ARHGAP42: variants seen among roughly 807,000 people sequenced by gnomAD.
The protein encoded by ARHGAP42 is rho GTPase-activating protein 42.
A neutral mutation model predicts 125.0 loss-of-function variants in ARHGAP42; 63 were observed. The observed-to-expected ratio is 0.50, with a 90% CI of 0.41 to 0.62. The LOEUF (loss-of-function observed/expected upper bound fraction) is 0.62, where lower values mean the gene tolerates loss of function less well. Among genes scored for constraint, ARHGAP42 ranks in the 20% least tolerant of loss-of-function variants. ARHGAP42 has a pLI of 0.00. For synonymous variants in ARHGAP42, 339 were observed against 351.0 expected (o/e 0.97, Z 0.38); for missense variants, 766 against 1,024.2 (o/e 0.75, Z 3.44).
intron 1 of ARHGAP42, among the ~76,000 whole-genome samples, chr11:100,716,836 G>C (rs1861669485): frequency 6.6e-6 from 1 of 152,116 alleles, no homozygotes; most frequent in Non-Finnish European, 1.5e-5. Flanking sequence ...GTTATTTGGA[G>C]AATGAATGCA....
At chr11:100,906,989 G>A (rs755780761) in intron 4 of ARHGAP42, among the ~76,000 whole-genome samples, 1 of 152,096 alleles carries the variant, frequency 6.6e-6, no homozygotes, top group African/African-American at 2.4e-5. Context: ...ATTTCTGTTA[G>A]CATCTCATTG....
At chr11:100,831,514 G>A (rs958582685) in intron 3 of ARHGAP42, among the ~76,000 whole-genome samples, 10 of 152,148 alleles carry the variant, frequency 6.6e-5, no homozygotes, top group African/African-American at 1.4e-4. Context: ...GATGAAACAC[G>A]TTTATGTTAG....
In ARHGAP42 at chr11:100,950,055, C is replaced by G. The variant is rs1591316168; in HGVS notation, c.1162+99C>G. The G allele has an allele frequency of 7.9e-6, 5 of 631,736 alleles. No individual in the cohort carries two copies. In the East Asian group the frequency reaches 1.6e-4, roughly 21 times the overall value. The allele number at this position is 631,736 out of a possible 1,614,324, so 39.1% of individuals were successfully genotyped here. On this transcript the variant is annotated intron_variant, in intron 12 of 23. Coordinates refer to ENST00000298815, the MANE Select transcript of ARHGAP42 (RefSeq NM_152432.4). ...AGTATTCTGGGGAAATAGTATAACACCATTGATCTCATGGTACAGCAACTT... is the reference window on the plus strand; with the variant it reads ...AGTATTCTGGGGAAATAGTATAACAGCATTGATCTCATGGTACAGCAACTT...
intron 22 of ARHGAP42, among the ~76,000 whole-genome samples, chr11:100,979,701 ATT>A (rs11435155): frequency 4.0e-5 from 6 of 148,752 alleles, no homozygotes; most frequent in African/African-American, 1.2e-4. Context: ...GCTTTTCATT[ATT>A]TTTTTTTTTT....
chr11:100,749,954 T>A (rs2120352861), intron 1 of ARHGAP42, among the ~76,000 whole-genome samples: 1 of 152,282 alleles, frequency 6.6e-6, no homozygotes, highest in South Asian at 2.1e-4. Context: ...TGCTGGCCAG[T>A]TTCTTTCCGC....
At chr11:100,775,875 T>C (rs1863106141) in intron 2 of ARHGAP42, among the ~76,000 whole-genome samples, 1 of 152,186 alleles carries the variant, frequency 6.6e-6, no homozygotes, top group Admixed American at 6.5e-5. Context: ...ATTTAGATAT[T>C]GTGGCCGGGT....
chr11:100,808,325 T>G (rs1202543226), intron 3 of ARHGAP42, among the ~76,000 whole-genome samples: 1 of 151,992 alleles, frequency 6.6e-6, no homozygotes, highest in Non-Finnish European at 1.5e-5. Context: ...TTGATACATG[T>G]AATTTCAAGA....
chr11:100,778,155 A>G (rs1863175047), intron 2 of ARHGAP42, among the ~76,000 whole-genome samples: 1 of 151,810 alleles, frequency 6.6e-6, no homozygotes, highest in Admixed American at 6.6e-5. Context: ...CCTGGGTAAC[A>G]TGTTGAGACC....
At chr11:100,933,753 A>G (rs1455584228) in intron 7 of ARHGAP42, among the ~76,000 whole-genome samples, 1 of 152,198 alleles carries the variant, frequency 6.6e-6, no homozygotes, top group Non-Finnish European at 1.5e-5. Context: ...AAAACTAGAA[A>G]AGAAAATACT....
intron 3 of ARHGAP42, among the ~76,000 whole-genome samples, chr11:100,818,827 C>G (rs545221419): frequency 6.6e-6 from 1 of 152,092 alleles, no homozygotes; most frequent in Admixed American, 6.6e-5. Flanking sequence ...TCTGAGAAAA[C>G]TTAGCCTTGA....
chr11:100,854,155 A>C (rs954503916), intron 3 of ARHGAP42, among the ~76,000 whole-genome samples: 2 of 152,178 alleles, frequency 1.3e-5, no homozygotes, highest in Admixed American at 6.6e-5. Context: ...ATTAAAAATA[A>C]ATGGGAGTAT....
At chr11:100,788,165 C>T (rs1863480506) in intron 2 of ARHGAP42, among the ~76,000 whole-genome samples, 1 of 152,094 alleles carries the variant, frequency 6.6e-6, no homozygotes, top group African/African-American at 2.4e-5. Flanking sequence ...CTCATATTTG[C>T]CTAAACTTAA....
At chr11:100,901,062 A>G (rs1351964196) in intron 4 of ARHGAP42, among the ~76,000 whole-genome samples, 2 of 152,180 alleles carry the variant, frequency 1.3e-5, no homozygotes, top group Admixed American at 1.3e-4. Flanking sequence ...GGTGACCTAC[A>G]GATGGGTTTT....
intron 3 of ARHGAP42, among the ~76,000 whole-genome samples, chr11:100,820,990 C>T (rs17713448): frequency 0.03 from 4,479 of 151,096 alleles, 81 homozygotes; most frequent in Non-Finnish European, 0.036. Flanking sequence ...TTTTTTAGTG[C>T]TTCCCTTTCC....
intron 22 of ARHGAP42, among the ~76,000 whole-genome samples, chr11:100,983,128 C>T (rs571270569): frequency 1.6e-4 from 24 of 152,208 alleles, no homozygotes; most frequent in Non-Finnish European, 2.6e-4. Flanking sequence ...CTCACAACAC[C>T]TTTATAAACT....
intron 1 of ARHGAP42, among the ~76,000 whole-genome samples, chr11:100,715,470 T>C (rs1861644725): frequency 6.6e-6 from 1 of 152,204 alleles, no homozygotes; most frequent in Non-Finnish European, 1.5e-5. Flanking sequence ...TTCCTGACAC[T>C]TGGGGACTGG....
intron 20 of ARHGAP42, 141 bp downstream of exon 20, chr11:100,976,578 T>C: frequency 7.8e-7 from 1 of 1,280,300 alleles, no homozygotes. Context: ...GCTTGGATTT[T>C]ACAACCTAGG....
chr11:100,975,967 A>G (rs1381576767), intron 19 of ARHGAP42, 90 bp from the exon 20 acceptor site: 3 of 1,389,484 alleles, frequency 2.2e-6, no homozygotes, highest in African/African-American at 1.5e-5. Flanking sequence ...CGCAGAACAC[A>G]TGGTAAGTTG....
intron 2 of ARHGAP42, among the ~76,000 whole-genome samples, chr11:100,772,999 G>A (rs1008741885): frequency 3.9e-5 from 6 of 152,162 alleles, no homozygotes; most frequent in African/African-American, 1.4e-4. Context: ...ACCATGCCCA[G>A]CTAATTTTTG....
Sources: gnomAD v4.1 joint callset for allele counts (sites outside exome capture counted in the v4.1 genomes callset) on GRCh38, gnomAD v4.1.1 for gene constraint, MANE v1.5 for transcripts, NCBI Gene and HGNC (gene_info 2026-07-23, HGNC 2026-07-21) for gene names.